DCC: variants seen among roughly 807,000 people sequenced by gnomAD.
The protein encoded by DCC is netrin receptor DCC.
Under a neutral mutation model 172.5 loss-of-function variants are expected in DCC, and 58 were observed. The observed-to-expected ratio is 0.34, with a 90% CI of 0.27 to 0.42. The LOEUF is 0.42. Among genes scored for constraint, DCC ranks in the 10% least tolerant of loss-of-function variants. The probability of loss-of-function intolerance (pLI) is 1.00; values close to 1 mark genes in which losing one functional copy is unlikely to be tolerated. For synonymous variants in DCC, 709 were observed against 644.5 expected, an observed-to-expected ratio of 1.10 and a Z score of -1.52; for missense variants, 1,740 against 1,791.0, an observed-to-expected ratio of 0.97 and a Z score of 0.51.
chr18:53,371,874 C>T (rs1362663091), intron 15 of DCC, among the ~76,000 whole-genome samples: 3 of 151,994 alleles, frequency 2.0e-5, no homozygotes, highest in Admixed American at 1.3e-4. Context: ...CTAAGCATCA[C>T]TAATCATTAG....
chr18:53,198,326 G>A lies in DCC; in HGVS notation c.1574-6890G>A, dbSNP rs545552094. Among the ~76,000 whole-genome samples, 10 of 152,086 alleles carry A rather than the reference G, an allele frequency of 6.6e-5. No homozygotes were observed. In the South Asian group the frequency reaches 1.7e-3, roughly 25 times the overall value. ...AGATAATTTCAGGGGCTTGTTCATG[G>A]AATCTTTGATGCTAATGACAGGTTT... On this transcript the variant is annotated intron_variant, in intron 9 of 28. Coordinates refer to ENST00000442544, the MANE Select transcript of DCC (RefSeq NM_005215.4).
chr18:53,286,937 A>C (rs1225918863), intron 12 of DCC, among the ~76,000 whole-genome samples: 2 of 152,194 alleles, frequency 1.3e-5, no homozygotes, highest in African/African-American at 2.4e-5. Context: ...TTTGAAATTA[A>C]GTGATAGGCA....
At chr18:52,362,442 A>G (rs1984659322) in intron 1 of DCC, among the ~76,000 whole-genome samples, 1 of 152,232 alleles carries the variant, frequency 6.6e-6, no homozygotes, top group Admixed American at 6.5e-5. Context: ...CCAGTTAGAA[A>G]CAAAAAGATC....
intron 18 of DCC, among the ~76,000 whole-genome samples, chr18:53,400,091 A>AT (rs1392285579): frequency 2.0e-5 from 3 of 152,140 alleles, no homozygotes; most frequent in Admixed American, 1.3e-4. Context: ...AAGAAAAAGC[A>AT]TTTTTTTAAA....
At chr18:53,455,933 A>G (rs374364340) in intron 23 of DCC, among the ~76,000 whole-genome samples, 3 of 152,236 alleles carry the variant, frequency 2.0e-5, no homozygotes, top group African/African-American at 4.8e-5. Context: ...TCAATCATCC[A>G]TAAATATTGA....
intron 5 of DCC, among the ~76,000 whole-genome samples, chr18:53,052,631 G>T (rs551218161): frequency 2.0e-4 from 30 of 152,114 alleles, no homozygotes; most frequent in African/African-American, 7.0e-4. Context: ...AACCAGGCAT[G>T]GTAGGGGAAT....
intron 1 of DCC, among the ~76,000 whole-genome samples, chr18:52,438,509 A>G (rs766192616): frequency 1.3e-5 from 2 of 152,210 alleles, no homozygotes; most frequent in Non-Finnish European, 2.9e-5. Context: ...CCATTGGGAA[A>G]TTCTGCAAAA....
At chr18:53,036,895 C>A (rs575537455) in intron 5 of DCC, among the ~76,000 whole-genome samples, 1 of 151,946 alleles carries the variant, frequency 6.6e-6, no homozygotes, top group Non-Finnish European at 1.5e-5. Context: ...CAATTGAATC[C>A]TTCAGCCCCT....
At chr18:53,425,451 C>G (rs1325952443) in intron 21 of DCC, among the ~76,000 whole-genome samples, 1 of 147,816 alleles carries the variant, frequency 6.8e-6, no homozygotes, top group Non-Finnish European at 1.5e-5. Context: ...TCTCTGCCTC[C>G]TGGGTTCAAG....
intron 7 of DCC, among the ~76,000 whole-genome samples, chr18:53,077,365 G>T (rs540828613): frequency 3.3e-5 from 5 of 152,220 alleles, no homozygotes; most frequent in Non-Finnish European, 7.4e-5. Context: ...CCAATTTGGG[G>T]TGTACCCACA....
intron 15 of DCC, among the ~76,000 whole-genome samples, chr18:53,351,345 A>ACTGTG: frequency 1.2e-5 from 1 of 85,548 alleles, no homozygotes; most frequent in Non-Finnish European, 2.7e-5. Flanking sequence ...GTGTATATAT[A>ACTGTG]TATACACAGT....
intron 2 of DCC, among the ~76,000 whole-genome samples, chr18:52,837,380 T>G (rs1241389981): frequency 3.9e-5 from 6 of 152,222 alleles, no homozygotes; most frequent in Non-Finnish European, 8.8e-5. Flanking sequence ...CAAACTTTTA[T>G]GCTCTGCTGT....
chr18:52,356,638 T>G (rs1471253237), intron 1 of DCC, among the ~76,000 whole-genome samples: 1 of 152,208 alleles, frequency 6.6e-6, no homozygotes, highest in East Asian at 1.9e-4. Flanking sequence ...TTTGAATCTT[T>G]TATCCATATT....
chr18:52,440,508 T>C (rs1987940846), intron 1 of DCC, among the ~76,000 whole-genome samples: 1 of 152,254 alleles, frequency 6.6e-6, no homozygotes, highest in Non-Finnish European at 1.5e-5. Flanking sequence ...GTGCAACTTC[T>C]TCTGCTCAGT....
intron 1 of DCC, among the ~76,000 whole-genome samples, chr18:52,733,876 C>G (rs1158466312): frequency 6.6e-6 from 1 of 151,970 alleles, no homozygotes; most frequent in African/African-American, 2.4e-5. Context: ...GCATGATTCT[C>G]TGTAATTCAA....
chr18:52,357,753 G>A (rs754360466), intron 1 of DCC, among the ~76,000 whole-genome samples: 45 of 151,862 alleles, frequency 3.0e-4, no homozygotes, highest in Non-Finnish European at 5.0e-4. Flanking sequence ...TGGCTAACAC[G>A]GTGAAACCCC....
intron 9 of DCC, among the ~76,000 whole-genome samples, chr18:53,187,995 C>G (rs1048566297): frequency 6.6e-6 from 1 of 152,190 alleles, no homozygotes; most frequent in Non-Finnish European, 1.5e-5. Context: ...AATTGAAAGT[C>G]AAGCAATGGA....
At chr18:53,530,305 A>G (rs750517760) in intron 28 of DCC, 1 of 702,610 alleles carries the variant, frequency 1.4e-6, no homozygotes, top group South Asian at 1.5e-5. Flanking sequence ...ACTTGATTTG[A>G]AACCCAATCT....
intron 13 of DCC, among the ~76,000 whole-genome samples, chr18:53,316,245 T>C (rs2057342521): frequency 6.6e-6 from 1 of 152,300 alleles, no homozygotes; most frequent in East Asian, 1.9e-4. Context: ...CTCTAGTTTG[T>C]CAAAGATCAG....
Sources: gnomAD v4.1 joint callset for allele counts (sites outside exome capture counted in the v4.1 genomes callset) on GRCh38, gnomAD v4.1.1 for gene constraint, MANE v1.5 for transcripts, NCBI Gene and HGNC (gene_info 2026-07-23, HGNC 2026-07-21) for gene names.